Variants in PDE11A observed in about 807,000 individuals in gnomAD.
The protein encoded by PDE11A is phosphodiesterase 11A, also known as dual 3',5'-cyclic-AMP and -GMP phosphodiesterase 11A.
Under a neutral mutation model 100.5 loss-of-function variants are expected in PDE11A, and 100 were observed. That is an observed-to-expected ratio of 1.00 (90% confidence interval 0.85 to 1.18). PDE11A has a LOEUF of 1.18. PDE11A is among the 50% of genes most tolerant of loss of function. The probability of loss-of-function intolerance (pLI) is 0.00; values close to 1 mark genes in which losing one functional copy is unlikely to be tolerated. For synonymous variants in PDE11A, 381 were observed against 420.8 expected (o/e 0.91, Z 1.16); for missense variants, 1,141 against 1,152.6 (o/e 0.99, Z 0.15).
At chr2:177,667,932 C>T (rs1175837301) in intron 18 of PDE11A, among the ~76,000 whole-genome samples, 1 of 152,114 alleles carries the variant, frequency 6.6e-6, no homozygotes, top group African/African-American at 2.4e-5. Context: ...AGTTTTCCTC[C>T]TAAATATCAA....
intron 2 of PDE11A, among the ~76,000 whole-genome samples, chr2:177,972,190 G>C (rs1184450072): frequency 5.9e-5 from 9 of 152,166 alleles, no homozygotes; most frequent in Non-Finnish European, 1.0e-4. Flanking sequence ...AAAAAATGTA[G>C]ACCATTTGTA....
At chr2:177,837,986 G>A (rs2083432090) in intron 6 of PDE11A, among the ~76,000 whole-genome samples, 1 of 152,074 alleles carries the variant, frequency 6.6e-6, no homozygotes, top group African/African-American at 2.4e-5. Flanking sequence ...TCTGGAAAAA[G>A]GTTTCTTCTC....
At position 177,922,657 on chromosome 2, in the gene PDE11A, T is replaced by G. The variant is rs981254356; in HGVS notation, c.1072-17470A>C. On this transcript the variant is annotated intron_variant, in intron 2 of 19. Transcript: ENST00000286063. ...TAGTTATGTCTCAACATTGTCTGCT[T>G]CCTTTAATCATCACTTCCCACTCCC... 3.1e-6 allele frequency: 3 copies of G among 978,906 alleles called. No individual in the cohort carries two copies. In the African/African-American group the frequency reaches 5.3e-5, roughly 17 times the overall value. 60.6% of individuals were successfully genotyped at this position (978,906 alleles called of 1,614,324 possible).
chr2:177,667,826 A>G (rs1187610822), intron 18 of PDE11A, among the ~76,000 whole-genome samples: 4 of 152,230 alleles, frequency 2.6e-5, no homozygotes, highest in African/African-American at 9.6e-5. Context: ...ACTGCTTCCA[A>G]TCCTGACCCT....
chr2:177,675,407 G>C lies in PDE11A; in HGVS notation c.2487+48C>G, dbSNP rs200791250. Reference sequence around the variant, plus strand: ...TCTGGGAATATTGTGTCCCCCTTACGCCCCCCAGTCCCTCCTCTGCTGAGC... The same window carrying C: ...TCTGGGAATATTGTGTCCCCCTTACCCCCCCCAGTCCCTCCTCTGCTGAGC... On this transcript the variant is annotated intron_variant, in intron 17 of 19. Coordinates refer to ENST00000286063, the MANE Select transcript of PDE11A (RefSeq NM_016953.4). 1,009 of 1,329,408 alleles carry C rather than the reference G, an allele frequency of 7.6e-4. 5 individuals carry two copies. In the East Asian group the frequency reaches 0.012, roughly 16 times the overall value. 82.4% of individuals were successfully genotyped at this position (1,329,408 alleles called of 1,614,324 possible).
At chr2:177,806,224 T>TGAGA in intron 9 of PDE11A, among the ~76,000 whole-genome samples, 1 of 152,150 alleles carries the variant, frequency 6.6e-6, no homozygotes, top group Non-Finnish European at 1.5e-5. Flanking sequence ...TGCACATGAA[T>TGAGA]TTGGCTGGAG....
chr2:178,107,766 G>C (rs966849151), intron 1 of PDE11A, among the ~76,000 whole-genome samples: 2 of 144,134 alleles, frequency 1.4e-5, no homozygotes, highest in African/African-American at 5.2e-5. Context: ...CTGTCGCCCA[G>C]GCCGGAGTGC....
intron 19 of PDE11A, among the ~76,000 whole-genome samples, chr2:177,638,469 A>G (rs986849294): frequency 2.0e-5 from 3 of 151,948 alleles, no homozygotes; most frequent in Admixed American, 1.3e-4. Flanking sequence ...TCTATGATCT[A>G]TATAATCTCT....
At chr2:178,049,945 G>T (rs2086800824) in intron 1 of PDE11A, among the ~76,000 whole-genome samples, 1 of 152,182 alleles carries the variant, frequency 6.6e-6, no homozygotes, top group African/African-American at 2.4e-5. Context: ...TGAACAAAAG[G>T]CAGCAGAAGC....
intron 16 of PDE11A, among the ~76,000 whole-genome samples, chr2:177,680,330 T>A (rs986323021): frequency 3.2e-4 from 48 of 152,162 alleles, no homozygotes; most frequent in African/African-American, 1.2e-3. Context: ...CAGAGTGGGT[T>A]GCTACTGTCC....
chr2:178,055,799 G>T (rs12990719), intron 1 of PDE11A, among the ~76,000 whole-genome samples: 47,006 of 151,834 alleles, frequency 0.31, 7,358 homozygotes, highest in Non-Finnish European at 0.33. Context: ...TTTCAAATAT[G>T]GAAAAGCTGG....
At chr2:177,844,324 G>A (rs1253899583) in intron 5 of PDE11A, among the ~76,000 whole-genome samples, 5 of 151,740 alleles carry the variant, frequency 3.3e-5, no homozygotes, top group Admixed American at 2.0e-4. Context: ...ATCTCTCTGG[G>A]GCCTCTTTTA....
intron 2 of PDE11A, among the ~76,000 whole-genome samples, chr2:177,979,174 A>G (rs1025329903): frequency 2.5e-4 from 37 of 149,786 alleles, no homozygotes; most frequent in African/African-American, 7.8e-4. Flanking sequence ...GGATGTGTCT[A>G]TGGTTCACCA....
At chr2:178,085,921 G>C (rs2087347995) in intron 2 of PDE11A, among the ~76,000 whole-genome samples, 1 of 152,140 alleles carries the variant, frequency 6.6e-6, no homozygotes, top group Non-Finnish European at 1.5e-5. Context: ...CAGATTTTCG[G>C]AGACAGTTGT....
At chr2:177,909,743 A>C (rs1048791131) in intron 2 of PDE11A, among the ~76,000 whole-genome samples, 11 of 152,044 alleles carry the variant, frequency 7.2e-5, no homozygotes, top group Admixed American at 3.3e-4. Flanking sequence ...TTTTTTTCCA[A>C]AGACAATCCT....
chr2:177,987,490 T>A (rs893370847), intron 2 of PDE11A, among the ~76,000 whole-genome samples: 1 of 152,168 alleles, frequency 6.6e-6, no homozygotes, highest in Non-Finnish European at 1.5e-5. Flanking sequence ...ACATACCAAA[T>A]TGGGTAGTTA....
chr2:178,056,259 A>T (rs2086898012), intron 1 of PDE11A, among the ~76,000 whole-genome samples: 1 of 152,178 alleles, frequency 6.6e-6, no homozygotes. Context: ...TTCTGTATAC[A>T]AAAGAAAGAA....
At chr2:177,631,570 CATGTATATATATAT>C (rs1559117481) in intron 19 of PDE11A, among the ~76,000 whole-genome samples, 5 of 15,688 alleles carry the variant, frequency 3.2e-4, no homozygotes, top group East Asian at 9.5e-3. Flanking sequence ...TATATATATA[CATGTATATATATAT>C]ACACACACAT....
At chr2:177,702,497 A>T (rs1471517632) in intron 13 of PDE11A, 13 of 152,150 alleles carry the variant, frequency 8.5e-5, no homozygotes, top group Admixed American at 8.5e-4. Flanking sequence ...GGGGGCTTCG[A>T]TATTGAAAGG....
Sources: gnomAD v4.1 joint callset for allele counts (sites outside exome capture counted in the v4.1 genomes callset) on GRCh38, gnomAD v4.1.1 for gene constraint, MANE v1.5 for transcripts, NCBI Gene and HGNC (gene_info 2026-07-23, HGNC 2026-07-21) for gene names.